Variants in GRK4 observed in about 807,000 individuals in gnomAD.
GRK4 encodes the protein G protein-coupled receptor kinase 4, also known as G protein-coupled receptor kinase 2-like.
A neutral mutation model predicts 77.9 loss-of-function variants in GRK4; 73 were observed. That is an observed-to-expected ratio of 0.94 (90% CI 0.78 to 1.14). The LOEUF (loss-of-function observed/expected upper bound fraction) is 1.14. Among genes scored for constraint, GRK4 ranks in the 50% most tolerant of loss-of-function variants. GRK4 has a pLI of 0.00. For missense variants in GRK4, 729 were observed against 700.2 expected (o/e 1.04, Z -0.46); for synonymous variants, 257 against 254.4 (o/e 1.01, Z -0.10).
In GRK4 at chr4:2,992,808, G is replaced by A. The variant is rs114930935; in HGVS notation, c.339+516G>A. Among the ~76,000 whole-genome samples, 710 of 151,638 alleles carry A rather than the reference G, an allele frequency of 4.7e-3. 4 individuals carry two copies. Among genetic ancestry groups the A allele is most frequent in the African/African-American group, 0.015 (620 of 41,330 alleles). On this transcript the variant is annotated intron_variant, in intron 4 of 15. Coordinates refer to ENST00000398052, the MANE Select transcript of GRK4 (RefSeq NM_182982.3). Reference sequence around the variant, plus strand: ...CCAACCTGGGCAATATGGCAAAACCGCATTGCTACAAAAAAGAAAAAAAAA... The same window carrying A: ...CCAACCTGGGCAATATGGCAAAACCACATTGCTACAAAAAAGAAAAAAAAA...
chr4:3,016,385 G>C (rs1401318879), intron 8 of GRK4, among the ~76,000 whole-genome samples: 2 of 151,702 alleles, frequency 1.3e-5, no homozygotes, highest in Admixed American at 1.3e-4. Flanking sequence ...GTGTGTGGTG[G>C]CGAGCACCTG....
intron 12 of GRK4, among the ~76,000 whole-genome samples, chr4:3,030,555 A>C (rs1738856841): frequency 6.6e-6 from 1 of 152,176 alleles, no homozygotes; most frequent in Admixed American, 6.5e-5. Context: ...AACTGACAGG[A>C]AACAGAACAA....
chr4:3,011,208 T>C (rs570908483), intron 7 of GRK4, among the ~76,000 whole-genome samples: 1 of 152,332 alleles, frequency 6.6e-6, no homozygotes, highest in Admixed American at 6.5e-5. Flanking sequence ...AAAGTCTAAT[T>C]ATAGCCACAT....
chr4:3,028,535 G>A (rs73084159), intron 11 of GRK4, among the ~76,000 whole-genome samples: 1 of 152,326 alleles, frequency 6.6e-6, no homozygotes, highest in South Asian at 2.1e-4. Context: ...GCATGGCTCT[G>A]TGTGTCTGGA....
At chr4:2,995,112 C>T (rs568721667) in intron 4 of GRK4, among the ~76,000 whole-genome samples, 23 of 152,122 alleles carry the variant, frequency 1.5e-4, no homozygotes, top group South Asian at 6.2e-4. Flanking sequence ...AGAACATGAT[C>T]GTTCTCTTTT....
chr4:2,989,649 C>T (rs2109643211), intron 3 of GRK4, among the ~76,000 whole-genome samples: 1 of 152,180 alleles, frequency 6.6e-6, no homozygotes, highest in East Asian at 1.9e-4. Flanking sequence ...CCTTTCTGCA[C>T]TCAACTGGCC....
At chr4:3,006,660 G>A (rs1731419290) in intron 5 of GRK4, among the ~76,000 whole-genome samples, 1 of 152,112 alleles carries the variant, frequency 6.6e-6, no homozygotes, top group Admixed American at 6.6e-5. Flanking sequence ...TGTAGTCCCA[G>A]CTATTCAGAA....
intron 2 of GRK4, among the ~76,000 whole-genome samples, chr4:2,987,601 A>G (rs1046877007): frequency 6.6e-6 from 1 of 152,026 alleles, no homozygotes; most frequent in African/African-American, 2.4e-5. Flanking sequence ...GTGTGCAAAT[A>G]CCTGTTTGAG....
At chr4:3,019,907 C>T in intron 9 of GRK4, 76 bp downstream of exon 9, 2 of 1,372,336 alleles carry the variant, frequency 1.5e-6, no homozygotes, top group East Asian at 2.3e-5. Context: ...CCCTGGTTCA[C>T]ACTGGCTGCT....
intron 7 of GRK4, among the ~76,000 whole-genome samples, chr4:3,011,539 A>G (rs1310906234): frequency 6.6e-6 from 1 of 152,230 alleles, no homozygotes; most frequent in Non-Finnish European, 1.5e-5. Context: ...GATTGGCTGC[A>G]CGAATAAAGC....
At chr4:3,026,505 G>A (rs1737612768) in intron 10 of GRK4, among the ~76,000 whole-genome samples, 1 of 152,204 alleles carries the variant, frequency 6.6e-6, no homozygotes, top group African/African-American at 2.4e-5. Flanking sequence ...CAGGGTGGGA[G>A]GATCGCTTGA....
chr4:2,991,142 G>T (rs1726042624), intron 3 of GRK4, among the ~76,000 whole-genome samples: 1 of 152,202 alleles, frequency 6.6e-6, no homozygotes, highest in Admixed American at 6.5e-5. Flanking sequence ...GGTTAGGAAA[G>T]TCTGAAATCT....
intron 8 of GRK4, among the ~76,000 whole-genome samples, chr4:3,014,116 A>G (rs1267296732): frequency 6.6e-6 from 1 of 151,882 alleles, no homozygotes; most frequent in Non-Finnish European, 1.5e-5. Flanking sequence ...CACACCTGCC[A>G]GCTTGCAGAG....
chr4:3,019,294 C>T (rs540204856), intron 8 of GRK4, among the ~76,000 whole-genome samples: 1 of 152,294 alleles, frequency 6.6e-6, no homozygotes, highest in Admixed American at 6.5e-5. Flanking sequence ...TGGGGCATAG[C>T]TTATGTGCTG....
intron 5 of GRK4, among the ~76,000 whole-genome samples, chr4:3,004,547 G>C (rs1730751078): frequency 6.6e-6 from 1 of 152,142 alleles, no homozygotes; most frequent in Non-Finnish European, 1.5e-5. Flanking sequence ...ACTACCATTA[G>C]CCTACTGTTG....
In GRK4 at chr4:2,986,597, G is replaced by A. The variant is rs1303672545; in HGVS notation, c.148+1989G>A. 4.6e-5 allele frequency among the ~76,000 whole-genome samples: 7 copies of A among 151,658 alleles called. No homozygotes were observed. In the South Asian group the frequency reaches 1.0e-3, roughly 23 times the overall value. On this transcript the variant is annotated intron_variant, in intron 2 of 15. Coordinates refer to ENST00000398052, the MANE Select transcript of GRK4 (RefSeq NM_182982.3). ...TCTCAATTTCTTGCCCTTGTGATCC[G>A]CCCACCTCAGCCTCCCAAAGTGCTG...
At chr4:2,999,825 A>G (rs1389052677) in intron 4 of GRK4, among the ~76,000 whole-genome samples, 1 of 152,228 alleles carries the variant, frequency 6.6e-6, no homozygotes, top group African/African-American at 2.4e-5. Flanking sequence ...AAAGAACACT[A>G]TCAAGAAGTG....
chr4:2,970,059 T>G (rs1450305737), intron 1 of GRK4, among the ~76,000 whole-genome samples: 1 of 152,200 alleles, frequency 6.6e-6, no homozygotes, highest in Non-Finnish European at 1.5e-5. Context: ...CTGTCAGATA[T>G]TTGAAGTAAT....
intron 2 of GRK4, among the ~76,000 whole-genome samples, 177 bp downstream of exon 2, chr4:2,984,785 TA>T (rs1386759501): frequency 1.6e-4 from 25 of 152,162 alleles, no homozygotes; most frequent in Non-Finnish European, 3.5e-4. Context: ...TCTGCAGTTA[TA>T]AAGTTGGCTG....
Sources: allele counts gnomAD v4.1 joint callset (sites outside exome capture counted in the v4.1 genomes callset), GRCh38; gene constraint gnomAD v4.1.1; transcripts MANE v1.5; gene names NCBI Gene and HGNC (gene_info 2026-07-23, HGNC 2026-07-21).